Variants in PNLIPRP3 observed in about 807,000 individuals in gnomAD.
PNLIPRP3 encodes pancreatic lipase related protein 3.
Under a neutral mutation model 52.8 loss-of-function variants are expected in PNLIPRP3, and 58 were observed. The ratio of observed to expected loss-of-function variants is 1.10; its 90% confidence interval spans 0.89 to 1.37. PNLIPRP3 has a LOEUF of 1.37. Ranked by LOEUF, PNLIPRP3 falls within the 40% of genes most tolerant of loss-of-function variation. The probability of loss-of-function intolerance (pLI) is 0.00; values close to 1 mark genes in which losing one functional copy is unlikely to be tolerated. For missense variants in PNLIPRP3, 593 were observed against 561.6 expected (o/e 1.06, Z -0.57); for synonymous variants, 192 against 185.0 (o/e 1.04, Z -0.31).
At chr10:116,475,011 C>T (rs1846435782) in intron 10 of PNLIPRP3, among the ~76,000 whole-genome samples, 1 of 152,128 alleles carries the variant, frequency 6.6e-6, no homozygotes, top group East Asian at 1.9e-4. Context: ...CTATTCACAA[C>T]AGCAAAGACA....
At chr10:116,468,040 G>A (rs1039573831) in intron 8 of PNLIPRP3, among the ~76,000 whole-genome samples, 5 of 148,476 alleles carry the variant, frequency 3.4e-5, no homozygotes, top group African/African-American at 1.3e-4. Context: ...CAGGAGAATG[G>A]CATCAACCCG....
At chr10:116,448,709 T>A (rs1845991881) in intron 4 of PNLIPRP3, among the ~76,000 whole-genome samples, 1 of 151,758 alleles carries the variant, frequency 6.6e-6, no homozygotes, top group Non-Finnish European at 1.5e-5. Context: ...TTTGTTTTGT[T>A]TTGTTTTGTT....
intron 5 of PNLIPRP3, among the ~76,000 whole-genome samples, chr10:116,457,805 G>A (rs944502040): frequency 1.3e-5 from 2 of 152,146 alleles, no homozygotes; most frequent in African/African-American, 2.4e-5. Context: ...TTTTTATTAA[G>A]TTTTTTCAAA....
Position 116,449,033 on chromosome 10 carries a change from AAAAT to A in PNLIPRP3, c.456+4521_456+4524del, listed in dbSNP as rs1225306102. ...TCCATCTCAAAAAAAAAAAAAAAAAAAAATTTCTAATTAGCTGGGCGTGGTAACA... is the reference window on the plus strand; with the variant it reads ...TCCATCTCAAAAAAAAAAAAAAAAAATTCTAATTAGCTGGGCGTGGTAACA... On this transcript the variant is annotated intron_variant, in intron 4 of 11. Coordinates refer to ENST00000369230, the MANE Select transcript of PNLIPRP3 (RefSeq NM_001011709.3). Among the ~76,000 whole-genome samples the A allele has an allele frequency of 8.1e-3, 650 of 80,346 alleles. 8 individuals are homozygous for A. Among genetic ancestry groups the A allele is most frequent in the African/African-American group, 0.018 (481 of 26,996 alleles). 52.7% of individuals were successfully genotyped at this position (80,346 alleles called of 152,430 possible). A position where few individuals can be genotyped will look rare whatever the true frequency, so the allele number is the denominator to read the frequency against.
Position 116,471,834 on chromosome 10 carries a change from G to T in PNLIPRP3, c.1127G>T (p.Arg376Leu), listed in dbSNP as rs756518511. ...SEVTQGTVFL[R>L]VGGAVRKTGE... is the part of the protein sequence containing the mutation. ...GTCACTCAAGGAACTGTCTTTCTTC[G>T]TGTAGGCGGGGCAGTTAGGAAAACT... The change falls in exon 10 of 12, where the codon CGT (arginine) becomes CTT (leucine). Residue 376 changes from arginine to leucine, a missense_variant. By Grantham distance (102) the Arg-to-Leu change is moderately radical. Coordinates refer to ENST00000369230, the MANE Select transcript of PNLIPRP3 (RefSeq NM_001011709.3). 2 of 1,611,142 alleles carry T rather than the reference G, an allele frequency of 1.2e-6. No homozygotes were observed. The highest frequency in any genetic ancestry group is 1.1e-5 in the South Asian group (1 of 90,794).
At chr10:116,476,920 T>C (rs1364215752) in intron 11 of PNLIPRP3, 101 bp downstream of exon 11, 3 of 1,316,568 alleles carry the variant, frequency 2.3e-6, no homozygotes, top group Non-Finnish European at 3.1e-6. Context: ...TAAAAATTTA[T>C]AGACTTTGAA....
At chr10:116,468,550 C>T (rs964722041) in intron 8 of PNLIPRP3, among the ~76,000 whole-genome samples, 2 of 152,114 alleles carry the variant, frequency 1.3e-5, no homozygotes, top group African/African-American at 4.8e-5. Context: ...TGCATAATAG[C>T]CAATCACCAA....
At chr10:116,446,756 A>G (rs1247362198) in intron 4 of PNLIPRP3, among the ~76,000 whole-genome samples, 1 of 152,180 alleles carries the variant, frequency 6.6e-6, no homozygotes, top group Non-Finnish European at 1.5e-5. Flanking sequence ...TCCTGGGTAA[A>G]TATAAAACCA....
At chr10:116,430,364 G>GGA (rs756397742) in intron 1 of PNLIPRP3, among the ~76,000 whole-genome samples, 1 of 152,220 alleles carries the variant, frequency 6.6e-6, no homozygotes, top group Non-Finnish European at 1.5e-5. Context: ...GAAGGGCCTA[G>GGA]GAAAATATGA....
intron 4 of PNLIPRP3, among the ~76,000 whole-genome samples, chr10:116,445,796 A>G (rs1003149043): frequency 1.3e-5 from 2 of 152,136 alleles, no homozygotes; most frequent in Non-Finnish European, 2.9e-5. Flanking sequence ...CTCTGGGGAT[A>G]ATTCAGGATT....
chr10:116,435,646 T>A (rs952103830), intron 1 of PNLIPRP3, among the ~76,000 whole-genome samples: 2 of 152,192 alleles, frequency 1.3e-5, no homozygotes, highest in African/African-American at 4.8e-5. Context: ...GATATCTCAT[T>A]AAGGTTTTGG....
Position 116,444,519 on chromosome 10 carries a change from A to C in PNLIPRP3, c.456+6A>C. 6.2e-7 allele frequency: 1 copy of C among 1,606,536 alleles called. No homozygotes were observed. Among genetic ancestry groups the C allele is most frequent in the Non-Finnish European group, 8.5e-7 (1 of 1,177,746 alleles). ...ATTTTATTGATGTTCTCATGGTAAG[A>C]AGAGTTGATTTTTTTTTAATTATAT... On this transcript the variant is annotated splice_donor_region_variant and intron_variant, in intron 4 of 11. Transcript: ENST00000369230.
At chr10:116,455,863 G>A in intron 5 of PNLIPRP3, 33 bp downstream of exon 5, 2 of 1,510,054 alleles carry the variant, frequency 1.3e-6, no homozygotes, top group Non-Finnish European at 1.8e-6. Flanking sequence ...CCTTGAGTGT[G>A]TTTAAATATT....
intron 5 of PNLIPRP3, among the ~76,000 whole-genome samples, chr10:116,456,074 T>C (rs1301090518): frequency 6.6e-6 from 1 of 152,146 alleles, no homozygotes; most frequent in Non-Finnish European, 1.5e-5. Flanking sequence ...CACCCGCAAT[T>C]GAATGGTTGA....
chr10:116,428,211 T>G, intron 1 of PNLIPRP3, 150 bp downstream of exon 1: 2 of 601,560 alleles, frequency 3.3e-6, no homozygotes, highest in Non-Finnish European at 5.8e-6. Flanking sequence ...TTTAAAATAT[T>G]GGCTGCTTAT....
intron 5 of PNLIPRP3, among the ~76,000 whole-genome samples, chr10:116,457,157 T>C (rs1347156692): frequency 1.3e-5 from 2 of 152,326 alleles, no homozygotes; most frequent in East Asian, 3.9e-4. Flanking sequence ...AGGAATTAAT[T>C]CTCTGTGCTT....
intron 8 of PNLIPRP3, 60 bp downstream of exon 8, chr10:116,466,228 C>T: frequency 7.9e-7 from 1 of 1,268,466 alleles, no homozygotes; most frequent in African/African-American, 1.5e-5. Context: ...ACACAATCAT[C>T]CAGCTAAACA....
chr10:116,448,295 TAA>T, intron 4 of PNLIPRP3, among the ~76,000 whole-genome samples: 1 of 152,256 alleles, frequency 6.6e-6, no homozygotes, highest in African/African-American at 2.4e-5. Context: ...TGTGAACAAG[TAA>T]AAGTGTTGAC....
At chr10:116,465,528 C>T (rs1846265843) in intron 7 of PNLIPRP3, among the ~76,000 whole-genome samples, 1 of 151,008 alleles carries the variant, frequency 6.6e-6, no homozygotes, top group African/African-American at 2.4e-5. Flanking sequence ...GAGCCAGACT[C>T]CATCTAAAAA....
Sources: gnomAD v4.1 joint callset for allele counts (sites outside exome capture counted in the v4.1 genomes callset) on GRCh38, gnomAD v4.1.1 for gene constraint, MANE v1.5 for transcripts, NCBI Gene and HGNC (gene_info 2026-07-23, HGNC 2026-07-21) for gene names.